The following ATE1 variants were observed in gnomAD, a reference collection of about 807,000 sequenced individuals.
ATE1 encodes the protein arginyl-tRNA--protein transferase 1.
Under a neutral mutation model 70.5 loss-of-function variants are expected in ATE1, and 36 were observed. The observed-to-expected ratio is 0.51, with a 90% confidence interval of 0.39 to 0.67. The LOEUF is 0.67. Ranked by LOEUF, ATE1 falls within the 30% of genes least tolerant of loss-of-function variation. The probability of loss-of-function intolerance (pLI) is 0.00; values close to 1 mark genes in which losing one functional copy is unlikely to be tolerated. For missense variants in ATE1, 593 were observed against 629.5 expected, an observed-to-expected ratio of 0.94 and a Z score of 0.62; for synonymous variants, 232 against 219.3, an observed-to-expected ratio of 1.06 and a Z score of -0.51.
chr10:121,808,421 G>A (rs552684421), intron 10 of ATE1, among the ~76,000 whole-genome samples: 72 of 152,290 alleles, frequency 4.7e-4, no homozygotes, highest in African/African-American at 1.6e-3. Context: ...GATGGGGTTC[G>A]ACAGCAAGAT....
chr10:121,913,742 C>G (rs751570178), intron 4 of ATE1, 48 bp downstream of exon 4: 1 of 1,308,206 alleles, frequency 7.6e-7, no homozygotes, highest in Non-Finnish European at 1.1e-6. Flanking sequence ...AAAGTGGGAC[C>G]GTTGCAAAGA....
At chr10:121,883,684 T>C (rs539945588) in intron 7 of ATE1, among the ~76,000 whole-genome samples, 1 of 152,302 alleles carries the variant, frequency 6.6e-6, no homozygotes, top group South Asian at 2.1e-4. Flanking sequence ...ATCTCAGCAA[T>C]AAAAAACGTT....
chr10:121,927,703 GC>G (rs1952155869), intron 1 of ATE1, 140 bp downstream of exon 1: 1 of 1,327,604 alleles, frequency 7.5e-7, no homozygotes, highest in South Asian at 1.8e-5. Context: ...CGGCGCCGCG[GC>G]CCTCCCGAGA....
intron 10 of ATE1, among the ~76,000 whole-genome samples, chr10:121,794,342 C>CA (rs1258150937): frequency 6.6e-6 from 1 of 151,924 alleles, no homozygotes; most frequent in Non-Finnish European, 1.5e-5. Flanking sequence ...AATAAGGAAA[C>CA]ACTAATAAAA....
intron 8 of ATE1, among the ~76,000 whole-genome samples, chr10:121,854,455 C>T (rs1271412454): frequency 1.3e-5 from 2 of 152,156 alleles, no homozygotes; most frequent in African/African-American, 2.4e-5. Flanking sequence ...CTGAGAAGCT[C>T]AAGTAGACTA....
chr10:121,746,899 C>T (rs1214677758), intron 11 of ATE1, among the ~76,000 whole-genome samples: 1 of 152,120 alleles, frequency 6.6e-6, no homozygotes, highest in African/African-American at 2.4e-5. Flanking sequence ...TGAGAGTGTT[C>T]CTACTATATG....
At chr10:121,898,076 G>C (rs899015719) in intron 7 of ATE1, among the ~76,000 whole-genome samples, 1 of 151,996 alleles carries the variant, frequency 6.6e-6, no homozygotes, top group Non-Finnish European at 1.5e-5. Context: ...TTCTGCATCT[G>C]TTGGCCTCTT....
At chr10:121,860,386 G>A (rs1186221206) in intron 8 of ATE1, among the ~76,000 whole-genome samples, 2 of 152,146 alleles carry the variant, frequency 1.3e-5, no homozygotes, top group African/African-American at 4.8e-5. Flanking sequence ...GTATCAACGT[G>A]CTCTAGTCAA....
intron 10 of ATE1, 114 bp from the exon 11 acceptor site, chr10:121,790,403 A>T: frequency 7.6e-7 from 1 of 1,310,658 alleles, no homozygotes; most frequent in Non-Finnish European, 1.0e-6. Context: ...TCAACCAGAA[A>T]CTGTTTTACT....
intron 8 of ATE1, among the ~76,000 whole-genome samples, chr10:121,843,058 G>C (rs753076303): frequency 2.6e-5 from 4 of 152,090 alleles, no homozygotes; most frequent in Non-Finnish European, 5.9e-5. Context: ...TAACATGACT[G>C]AGGTAGGTTA....
At chr10:121,860,536 T>TA (rs1949431135) in intron 8 of ATE1, among the ~76,000 whole-genome samples, 3 of 152,216 alleles carry the variant, frequency 2.0e-5, no homozygotes, top group Admixed American at 6.5e-5. Context: ...CATTCACAAC[T>TA]TAATACTAGA....
intron 10 of ATE1, among the ~76,000 whole-genome samples, chr10:121,808,266 T>G (rs886701002): frequency 3.9e-5 from 6 of 152,148 alleles, no homozygotes; most frequent in African/African-American, 9.7e-5. Context: ...TGACAAAGAA[T>G]CCGGACTTTG....
chr10:121,887,821 G>T (rs1950452091), intron 7 of ATE1, among the ~76,000 whole-genome samples: 1 of 152,186 alleles, frequency 6.6e-6, no homozygotes, highest in Admixed American at 6.5e-5. Context: ...GTGAGAGGTA[G>T]GGAGTTGTGA....
intron 10 of ATE1, among the ~76,000 whole-genome samples, chr10:121,810,098 C>T (rs1309133664): frequency 1.3e-5 from 2 of 152,060 alleles, no homozygotes; most frequent in African/African-American, 4.8e-5. Flanking sequence ...AATGTATGGC[C>T]CGTATTTTGG....
At chr10:121,832,807 C>T (rs1003083734) in intron 10 of ATE1, among the ~76,000 whole-genome samples, 3 of 152,128 alleles carry the variant, frequency 2.0e-5, no homozygotes, top group South Asian at 2.1e-4. Flanking sequence ...GACAAGTGTC[C>T]GCAATTCTGG....
intron 7 of ATE1, among the ~76,000 whole-genome samples, chr10:121,892,237 G>C (rs182343752): frequency 6.8e-6 from 1 of 148,004 alleles, no homozygotes; most frequent in Non-Finnish European, 1.5e-5. Flanking sequence ...ATGAAAACAC[G>C]ACCGGTGAAG....
At chr10:121,821,763 C>A (rs1376716409) in intron 10 of ATE1, among the ~76,000 whole-genome samples, 1 of 152,162 alleles carries the variant, frequency 6.6e-6, no homozygotes, top group African/African-American at 2.4e-5. Flanking sequence ...TGCCTGTAAT[C>A]CCAGCTACTC....
chr10:121,764,364 C>G (rs1945185445), intron 11 of ATE1, among the ~76,000 whole-genome samples: 1 of 151,826 alleles, frequency 6.6e-6, no homozygotes, highest in South Asian at 2.1e-4. Flanking sequence ...AGGCTGGGCA[C>G]AGTGGCTCAC....
At chr10:121,858,805 A>G (rs1245981615) in intron 8 of ATE1, among the ~76,000 whole-genome samples, 1 of 151,582 alleles carries the variant, frequency 6.6e-6, no homozygotes, top group Non-Finnish European at 1.5e-5. Flanking sequence ...TATAAAAGCG[A>G]TATGTAAGGG....
Sources: gnomAD v4.1 joint callset for allele counts (sites outside exome capture counted in the v4.1 genomes callset) on GRCh38, gnomAD v4.1.1 for gene constraint, MANE v1.5 for transcripts, NCBI Gene and HGNC (gene_info 2026-07-23, HGNC 2026-07-21) for gene names.